The following PXDN variants were observed in gnomAD, a reference collection of about 807,000 sequenced individuals.
PXDN encodes the protein peroxidasin.
In PXDN, 77 loss-of-function variants were observed where a neutral mutation model predicts 140.3. That is an observed-to-expected ratio of 0.55 (90% CI 0.46 to 0.66). The LOEUF (loss-of-function observed/expected upper bound fraction) is 0.66. Ranked by LOEUF, PXDN falls within the 30% of genes least tolerant of loss-of-function variation. PXDN has a pLI of 0.00. For missense variants in PXDN, 1,838 were observed against 2,039.5 expected, an observed-to-expected ratio of 0.90 and a Z score of 1.90; for synonymous variants, 911 against 857.4, an observed-to-expected ratio of 1.06 and a Z score of -1.09.
chr2:1,644,504 G>T, intron 18 of PXDN, 114 bp downstream of exon 18: 1 of 1,219,034 alleles, frequency 8.2e-7, no homozygotes, highest in Non-Finnish European at 1.1e-6. Context: ...GGGACACACA[G>T]AAGACACTAG....
chr2:1,696,470 GAAA>G (rs1684304340), intron 1 of PXDN, among the ~76,000 whole-genome samples: 1 of 152,134 alleles, frequency 6.6e-6, no homozygotes, highest in South Asian at 2.1e-4. Context: ...GAACCAAACT[GAAA>G]TTCTAGAACT....
chr2:1,722,330 C>T (rs551353856), intron 1 of PXDN, among the ~76,000 whole-genome samples: 1 of 152,202 alleles, frequency 6.6e-6, no homozygotes, highest in Non-Finnish European at 1.5e-5. Flanking sequence ...TCTCCTCTCT[C>T]GGCACTGAGT....
chr2:1,741,785 T>A (rs957731742), intron 1 of PXDN, among the ~76,000 whole-genome samples: 3 of 152,076 alleles, frequency 2.0e-5, no homozygotes, highest in African/African-American at 7.2e-5. Flanking sequence ...AAAATTGTAA[T>A]AGAAAATAAT....
intron 4 of PXDN, among the ~76,000 whole-genome samples, chr2:1,686,558 G>A (rs1278410490): frequency 1.3e-5 from 2 of 152,138 alleles, no homozygotes; most frequent in African/African-American, 4.8e-5. Flanking sequence ...TGAGTGAAAC[G>A]CTTGTTGGAT....
Position 1,662,191 on chromosome 2 carries a change from G to A in PXDN, c.1568-7C>T. On this transcript the variant is annotated splice_polypyrimidine_tract_variant and splice_region_variant and intron_variant, in intron 12 of 22. Coordinates refer to ENST00000252804, the MANE Select transcript of PXDN (RefSeq NM_012293.3). ...CTGGCAAACACTGGGGTGACTGGAA[G>A]GCAGATGTAGAGAATCCAGGAGAAC... 6.4e-7 allele frequency: 1 copy of A among 1,574,744 alleles called. No homozygotes were observed.
intron 1 of PXDN, among the ~76,000 whole-genome samples, chr2:1,715,426 G>T (rs1288545874): frequency 6.6e-6 from 1 of 152,214 alleles, no homozygotes; most frequent in Non-Finnish European, 1.5e-5. Flanking sequence ...TCATGCAAAT[G>T]AAATCCCAGA....
At chr2:1,727,600 C>G (rs931924684) in intron 1 of PXDN, among the ~76,000 whole-genome samples, 2 of 152,120 alleles carry the variant, frequency 1.3e-5, no homozygotes, top group African/African-American at 4.8e-5. Flanking sequence ...GTGCATTTTT[C>G]CTCAGCCCTC....
At chr2:1,679,128 G>A (rs1330860822) in intron 7 of PXDN, among the ~76,000 whole-genome samples, 1 of 137,448 alleles carries the variant, frequency 7.3e-6, no homozygotes, top group Non-Finnish European at 1.6e-5. Flanking sequence ...GTCTATAAAT[G>A]GTGTGTTTGT....
At chr2:1,646,059 C>T (rs1558487060) in intron 17 of PXDN, 1 of 152,206 alleles carries the variant, frequency 6.6e-6, no homozygotes, top group East Asian at 1.9e-4. Flanking sequence ...GCCGTGCGGC[C>T]GTGAAACACA....
chr2:1,744,380 C>T lies in PXDN; in HGVS notation c.76G>A (p.Ala26Thr), dbSNP rs1240067799. The stretch of plus-strand genomic sequence containing the variant: ...GCGCCCGGCTTCTGGGCCACCACGG[C>T]CAGCGTCCCCCAGGCGCAGAACAGC... ...LVLFCAWGTL[A>T]VVAQKPGAGC... The change falls in exon 1 of 23, where the codon GCC (alanine) becomes ACC (threonine). Residue 26 changes from alanine to threonine, a missense_variant. Physicochemically the swap from Ala to Thr is moderately conservative, Grantham distance 58. Coordinates refer to ENST00000252804, the MANE Select transcript of PXDN (RefSeq NM_012293.3). The T allele has an allele frequency of 5.9e-6, 9 of 1,526,298 alleles. No individual in the cohort carries two copies. The highest frequency in any genetic ancestry group is 6.1e-6 in the Non-Finnish European group (7 of 1,143,298). 94.5% of individuals were successfully genotyped at this position (1,526,298 alleles called of 1,614,324 possible). A position where few individuals can be genotyped will look rare whatever the true frequency, so the allele number is the denominator to read the frequency against.
intron 3 of PXDN, 114 bp downstream of exon 3, chr2:1,691,814 C>A: frequency 1.5e-6 from 1 of 662,718 alleles, no homozygotes. Context: ...AAAATAAAAC[C>A]TCATTTAAAT....
rs1429145968 is a variant in PXDN at position 1,681,427 on chromosome 2, G to A, written c.561-1065C>T. Among the ~76,000 whole-genome samples, 5 of 152,254 alleles carry A rather than the reference G, an allele frequency of 3.3e-5. No individual in the cohort carries two copies. In the South Asian group the frequency reaches 6.2e-4, roughly 19 times the overall value. ...CCATCTTTCGCTGAACTAGGGAAAA[G>A]TCCTGCAACAGACGTGCTCACTATT... On this transcript the variant is annotated intron_variant, in intron 6 of 22. Transcript: ENST00000252804.
chr2:1,709,068 A>G (rs766210540), intron 1 of PXDN, among the ~76,000 whole-genome samples: 8 of 152,184 alleles, frequency 5.3e-5, no homozygotes, highest in Non-Finnish European at 1.2e-4. Flanking sequence ...CACGGGAGCC[A>G]GGCTCCGTCT....
chr2:1,743,843 G>C (rs1017599155), intron 1 of PXDN, among the ~76,000 whole-genome samples: 24 of 147,528 alleles, frequency 1.6e-4, no homozygotes, highest in African/African-American at 5.5e-4. Context: ...GGTCCTGAGC[G>C]GGGGAAAGGT....
chr2:1,725,217 C>A (rs1298915361), intron 1 of PXDN, among the ~76,000 whole-genome samples: 6 of 152,092 alleles, frequency 3.9e-5, no homozygotes, highest in Non-Finnish European at 8.8e-5. Flanking sequence ...TTGTATCCTG[C>A]AACTTTACTA....
At chr2:1,637,018 G>A (rs981800644) in intron 21 of PXDN, 3 of 152,262 alleles carry the variant, frequency 2.0e-5, no homozygotes, top group Admixed American at 6.5e-5. Context: ...TGCCACCCAG[G>A]GAGCTGCCCG....
intron 1 of PXDN, among the ~76,000 whole-genome samples, chr2:1,724,344 T>C (rs1335203018): frequency 6.9e-6 from 1 of 145,422 alleles, no homozygotes; most frequent in Non-Finnish European, 1.5e-5. Flanking sequence ...AAAGCAATAT[T>C]TAATAGAGAC....
At chr2:1,635,955 C>G (rs1049189069) in intron 21 of PXDN, 2 of 325,518 alleles carry the variant, frequency 6.1e-6, no homozygotes, top group South Asian at 5.3e-5. Context: ...CCTTTCCAAC[C>G]GCTGTGCCAT....
chr2:1,719,005 C>G (rs1684955331), intron 1 of PXDN, among the ~76,000 whole-genome samples: 2 of 152,262 alleles, frequency 1.3e-5, no homozygotes, highest in Admixed American at 1.3e-4. Flanking sequence ...GACACGCTGA[C>G]AGCCACGCAA....
Sources: gnomAD v4.1 joint callset for allele counts (sites outside exome capture counted in the v4.1 genomes callset) on GRCh38, gnomAD v4.1.1 for gene constraint, MANE v1.5 for transcripts, NCBI Gene and HGNC (gene_info 2026-07-23, HGNC 2026-07-21) for gene names.